Variants in TENM3 observed in about 807,000 individuals in gnomAD.
TENM3 encodes teneurin transmembrane protein 3, also known as teneurin-3.
TENM3 carries 63 observed loss-of-function variants against 255.1 expected under a neutral mutation model. That is an observed-to-expected ratio of 0.25 (90% CI 0.20 to 0.30). The LOEUF (loss-of-function observed/expected upper bound fraction) is 0.30. TENM3 is among the 10% of genes least tolerant of loss of function. The pLI is 1.00. For synonymous variants in TENM3, 1,306 were observed against 1,322.3 expected, an observed-to-expected ratio of 0.99 and a Z score of 0.27; for missense variants, 2,929 against 3,461.1, an observed-to-expected ratio of 0.85 and a Z score of 3.86.
At chr4:182,516,030 C>T (rs1362114295) in intron 3 of TENM3, among the ~76,000 whole-genome samples, 1 of 152,152 alleles carries the variant, frequency 6.6e-6, no homozygotes, top group Non-Finnish European at 1.5e-5. Flanking sequence ...CATGTCAATG[C>T]AAAAGTCTTA....
chr4:182,527,893 A>G (rs1357906612), intron 3 of TENM3, among the ~76,000 whole-genome samples: 6 of 151,894 alleles, frequency 4.0e-5, no homozygotes, highest in Admixed American at 1.3e-4. Flanking sequence ...ACGCCCGGCT[A>G]ATTTTTGTAT....
the TENM3 span, among the ~76,000 whole-genome samples, chr4:182,044,266 A>G: frequency 6.6e-6 from 1 of 152,222 alleles, no homozygotes; most frequent in Non-Finnish European, 1.5e-5. Context: ...CACACCAACA[A>G]AAAGAAAGGA....
At chr4:182,250,084 G>A (rs1264042906) in intron 1 of TENM3, among the ~76,000 whole-genome samples, 1 of 120,308 alleles carries the variant, frequency 8.3e-6, no homozygotes, top group African/African-American at 3.3e-5. Flanking sequence ...ACGGAGTCTT[G>A]CTCTGTCGCC....
chr4:182,782,992 G>A (rs1248218162), intron 24 of TENM3, among the ~76,000 whole-genome samples: 1 of 151,322 alleles, frequency 6.6e-6, no homozygotes. Context: ...ACACTGATGG[G>A]TCTTGACTCT....
the TENM3 span, among the ~76,000 whole-genome samples, chr4:181,677,618 A>G: frequency 6.6e-6 from 1 of 152,060 alleles, no homozygotes; most frequent in South Asian, 2.1e-4. Flanking sequence ...TGCCCTCCCC[A>G]AATTGTCAAT....
chr4:182,254,304 T>C (rs931128415), intron 1 of TENM3, among the ~76,000 whole-genome samples: 4 of 150,408 alleles, frequency 2.7e-5, no homozygotes, highest in Admixed American at 6.6e-5. Context: ...CCACATTCTC[T>C]CCCTTTTTTG....
the TENM3 span, among the ~76,000 whole-genome samples, chr4:181,706,665 G>C: frequency 6.6e-6 from 1 of 152,098 alleles, no homozygotes; most frequent in South Asian, 2.1e-4. Context: ...ACAAACAGGC[G>C]AAGGAAGCTG....
At position 182,773,477 on chromosome 4, in the gene TENM3, A is replaced by T; in HGVS notation, c.4898A>T (p.Asp1633Val). The change falls in exon 23 of 28, where the codon GAC becomes GTC. Residue 1633 changes from aspartate (D) to valine (V), a missense_variant. By Grantham distance (152) the Asp-to-Val change is radical. This residue lies in a region of TENM3 where 1,608 missense variants were observed against 1,884.4 expected (regional missense o/e 0.85). Coordinates refer to ENST00000511685, the MANE Select transcript of TENM3 (RefSeq NM_001080477.4). Reference protein sequence around the residue: ...ETGWTTFFDYDSEGRLTNVTF... With the variant: ...ETGWTTFFDYVSEGRLTNVTF... ...TTAATGCCTCTTGTATTTAGCTATGACAGTGAAGGTCGTCTGACAAATGTT... is the reference window on the plus strand; with the variant it reads ...TTAATGCCTCTTGTATTTAGCTATGTCAGTGAAGGTCGTCTGACAAATGTT... The T allele has an allele frequency of 6.2e-7, 1 of 1,611,396 alleles. No individual in the cohort carries two copies. The highest frequency in any genetic ancestry group is 8.5e-7 in the Non-Finnish European group (1 of 1,178,722).
the TENM3 span, among the ~76,000 whole-genome samples, chr4:182,079,385 G>A: frequency 8.5e-5 from 13 of 152,154 alleles, no homozygotes; most frequent in South Asian, 2.1e-4. Flanking sequence ...GCGCAGTGGC[G>A]GGTGCCTGTA....
intron 3 of TENM3, among the ~76,000 whole-genome samples, chr4:182,466,621 T>C (rs1485090108): frequency 6.6e-6 from 1 of 152,074 alleles, no homozygotes; most frequent in African/African-American, 2.4e-5. Context: ...TGTGAGCCAG[T>C]TTCCAGCCTC....
At chr4:182,101,100 GAGGGAGGA>G in the TENM3 span, among the ~76,000 whole-genome samples, 133 of 10,178 alleles carry the variant, frequency 0.013, 1 homozygote, top group South Asian at 0.026. Flanking sequence ...GGGAGGGAGG[GAGGGAGGA>G]AGGAAAGAAG....
chr4:182,544,782 G>A (rs138317224), intron 3 of TENM3, among the ~76,000 whole-genome samples: 1,660 of 152,298 alleles, frequency 0.011, 13 homozygotes, highest in Non-Finnish European at 0.016. Flanking sequence ...AATGATGACT[G>A]TGTGAAAGTT....
At chr4:181,736,638 G>C in the TENM3 span, among the ~76,000 whole-genome samples, 4 of 151,748 alleles carry the variant, frequency 2.6e-5, no homozygotes, top group African/African-American at 9.7e-5. Context: ...CTTTATGTGA[G>C]CGTATACACC....
chr4:182,514,103 G>GAGT (rs1737692919), intron 3 of TENM3, among the ~76,000 whole-genome samples: 1 of 152,208 alleles, frequency 6.6e-6, no homozygotes, highest in Non-Finnish European at 1.5e-5. Context: ...TGGGAACCGT[G>GAGT]AGTAACAAGC....
the TENM3 span, among the ~76,000 whole-genome samples, chr4:181,705,051 CAAA>C: frequency 0.047 from 6,912 of 147,394 alleles, 237 homozygotes; most frequent in Middle Eastern, 0.15. Context: ...CAAAACAAAA[CAAA>C]AAAAAAAAAA....
intron 11 of TENM3, among the ~76,000 whole-genome samples, chr4:182,687,565 C>A (rs2152574030): frequency 6.6e-6 from 1 of 152,220 alleles, no homozygotes; most frequent in Non-Finnish European, 1.5e-5. Context: ...TTGTATCTGT[C>A]AACTGTACAA....
the TENM3 span, among the ~76,000 whole-genome samples, chr4:181,968,787 CA>C: frequency 6.6e-6 from 1 of 151,892 alleles, no homozygotes; most frequent in Non-Finnish European, 1.5e-5. Context: ...GTATTGTATG[CA>C]AAAAAATTCT....
the TENM3 span, among the ~76,000 whole-genome samples, chr4:181,888,516 G>GTATATATATATATATATATATATATATA: frequency 2.4e-5 from 1 of 41,518 alleles, no homozygotes. Flanking sequence ...ATATATATAT[G>GTATATATATATATATATATATATATATA]TATATATATA....
the TENM3 span, among the ~76,000 whole-genome samples, chr4:181,475,942 G>A: frequency 6.6e-6 from 1 of 152,208 alleles, no homozygotes; most frequent in Non-Finnish European, 1.5e-5. Context: ...GTCTCCCCTT[G>A]CAGAGCGCAG....
Sources: gnomAD v4.1 joint callset for allele counts (sites outside exome capture counted in the v4.1 genomes callset) on GRCh38, gnomAD v4.1.1 for gene constraint, gnomAD v4.1.1 regional missense constraint, MANE v1.5 for transcripts, NCBI Gene and HGNC (gene_info 2026-07-23, HGNC 2026-07-21) for gene names.